Variants in LAMA5 observed in about 807,000 individuals in gnomAD.
The protein encoded by LAMA5 is laminin subunit alpha 5.
A neutral mutation model predicts 433.4 loss-of-function variants in LAMA5; 260 were observed. That is an observed-to-expected ratio of 0.60 (90% CI 0.54 to 0.66). The LOEUF is 0.66. Among genes scored for constraint, LAMA5 ranks in the 30% least tolerant of loss-of-function variants. The probability of loss-of-function intolerance (pLI) is 0.00; values close to 1 mark genes in which losing one functional copy is unlikely to be tolerated. For missense variants in LAMA5, 5,378 were observed against 5,258.5 expected (o/e 1.02, Z -0.70); for synonymous variants, 2,620 against 2,226.6 (o/e 1.18, Z -4.97).
intron 51 of LAMA5, among the ~76,000 whole-genome samples, chr20:62,319,380 A>G (rs2297589): frequency 0.92 from 139,697 of 152,038 alleles, 64,260 homozygotes; most frequent in East Asian, 0.99. Context: ...AGGGAGCCAA[A>G]TCTCTCCTGA....
intron 41 of LAMA5, chr20:62,325,056 G>A (rs1979011511): frequency 2.3e-6 from 1 of 435,260 alleles, no homozygotes; most frequent in Admixed American, 4.0e-5. Context: ...TGGGGTAGGT[G>A]GGAAAGGGGT....
chr20:62,313,621 C>G, intron 63 of LAMA5, 28 bp downstream of exon 63: 1 of 1,610,798 alleles, frequency 6.2e-7, no homozygotes, highest in Non-Finnish European at 8.5e-7. Flanking sequence ...GAGCCCCTCC[C>G]AGGCTGCCCC....
In LAMA5 at chr20:62,318,906, G is replaced by A. The variant is rs777572914; in HGVS notation, c.6979C>T (p.Arg2327Trp). Reference sequence around the variant, plus strand: ...TGCGGGGCCCCCAGGTCCCGGGCCCGCATCTCCCAGAGCAGCCGCTCCACC... The same window carrying A: ...TGCGGGGCCCCCAGGTCCCGGGCCCACATCTCCCAGAGCAGCCGCTCCACC... ...AEVERLLWEM[R>W]ARDLGAPQAA... Residue 2327 changes from arginine (R) to tryptophan (W), a missense_variant, in exon 52 of 80, where the codon CGG (arginine) becomes TGG (tryptophan). Physicochemically the swap from Arg to Trp is moderately radical, Grantham distance 101. Transcript: ENST00000252999. 103 of 1,604,356 alleles carry A rather than the reference G, an allele frequency of 6.4e-5. No homozygotes were observed. Among genetic ancestry groups the A allele is most frequent in the African/African-American group, 2.9e-4 (22 of 74,838 alleles).
In LAMA5 at chr20:62,313,338, C is replaced by A; in HGVS notation, c.8781G>T (p.Arg2927Ser). 1 of 1,561,994 alleles carries A rather than the reference C, an allele frequency of 6.4e-7. No homozygotes were observed. Among genetic ancestry groups the A allele is most frequent in the Non-Finnish European group, 8.7e-7 (1 of 1,153,824 alleles). ...CAGGCCACACGCACCGGGCACAAGG[C>A]CTGTCCACAGCCGTGTCCAGCTGGA... Reference protein sequence around the residue: ...RTFQLDTAVDRPCARSKSTGD... With the variant: ...RTFQLDTAVDSPCARSKSTGD... The change falls in exon 64 of 80, where the codon AGG (arginine) becomes AGT (serine). Residue 2927 changes from arginine (R) to serine (S), a missense_variant. Transcript: ENST00000252999.
chr20:62,366,493 G>A (rs756020725), intron 1 of LAMA5, among the ~76,000 whole-genome samples: 2 of 152,208 alleles, frequency 1.3e-5, no homozygotes, highest in Non-Finnish European at 2.9e-5. Flanking sequence ...TCCTCCGAGA[G>A]GGGCTAGTGG....
intron 6 of LAMA5, among the ~76,000 whole-genome samples, chr20:62,349,693 T>G (rs867490286): frequency 6.0e-3 from 1 of 168 alleles, no homozygotes; most frequent in African/African-American, 0.012. Context: ...GTGATGATGG[T>G]GATGGTGATG....
intron 37 of LAMA5, 55 bp from the exon 38 acceptor site, chr20:62,327,461 C>T: frequency 6.2e-7 from 1 of 1,604,038 alleles, no homozygotes; most frequent in Non-Finnish European, 8.5e-7. Context: ...ATCACAGGGC[C>T]CCATCTTGCA....
Position 62,346,615 on chromosome 20 carries a change from T to C in LAMA5, c.1192-19A>G. 6.2e-7 allele frequency: 1 copy of C among 1,610,830 alleles called. No homozygotes were observed. Among genetic ancestry groups the C allele is most frequent in the South Asian group, 1.1e-5 (1 of 90,700 alleles). ...TGTGGTGCTGGGAGTGCAATGGCCG[T>C]TGAGTCTGGGGAGGTCCCTGCCCCA... On this transcript the variant is annotated intron_variant, in intron 8 of 79. Coordinates refer to ENST00000252999, the MANE Select transcript of LAMA5 (RefSeq NM_005560.6).
chr20:62,324,034 G>A lies in LAMA5; in HGVS notation c.5768+46C>T. On this transcript the variant is annotated intron_variant, in intron 43 of 79. Coordinates refer to ENST00000252999, the MANE Select transcript of LAMA5 (RefSeq NM_005560.6). This position sits in a 1 kb window ranked among gnomAD's most constrained non-coding sequence, Gnocchi z 4.4. ...AACCCACCCCGCTGCTGGGTGAAGG[G>A]AGCCTGGCACCATCAGGGCCTCGTC... 6.8e-7 allele frequency: 1 copy of A among 1,474,032 alleles called. No individual in the cohort carries two copies. The highest frequency in any genetic ancestry group is 9.0e-7 in the Non-Finnish European group (1 of 1,113,706). 91.3% of individuals were successfully genotyped at this position (1,474,032 alleles called of 1,614,324 possible). A position where few individuals can be genotyped will look rare whatever the true frequency, so the allele number is the denominator to read the frequency against.
At chr20:62,323,694 C>T (rs768862743) in intron 44 of LAMA5, 24 bp from the exon 45 acceptor site, 51 of 1,595,440 alleles carry the variant, frequency 3.2e-5, no homozygotes, top group Non-Finnish European at 2.7e-5. Context: ...GGGGAGGGGC[C>T]GTCAGTGGCC....
chr20:62,339,590 TG>T (rs1200711414), intron 11 of LAMA5, among the ~76,000 whole-genome samples: 2 of 146,694 alleles, frequency 1.4e-5, no homozygotes, highest in African/African-American at 4.9e-5. Context: ...AACTTACGCA[TG>T]AAAGGAGGGT....
At position 62,338,560 on chromosome 20, in the gene LAMA5, T is replaced by G; in HGVS notation, c.1526A>C (p.Asp509Ala). ...AGTQGNACRK[D>A]PRVGRCLCKP... Reference sequence around the variant, plus strand: ...GCACAGACAGCGTCCCACCCTTGGGTCCTTCCGGCAGGCGTTGCCCTGGGT... The same window carrying G: ...GCACAGACAGCGTCCCACCCTTGGGGCCTTCCGGCAGGCGTTGCCCTGGGT... The change falls in exon 12 of 80, where the codon GAC becomes GCC. Residue 509 changes from aspartate to alanine, a missense_variant. Asp to Ala is a moderately radical substitution (Grantham distance 126). Coordinates refer to ENST00000252999, the MANE Select transcript of LAMA5 (RefSeq NM_005560.6). 1 of 1,611,408 alleles carries G rather than the reference T, an allele frequency of 6.2e-7. No individual in the cohort carries two copies. Among genetic ancestry groups the G allele is most frequent in the Non-Finnish European group, 8.5e-7 (1 of 1,179,552 alleles).
chr20:62,317,247 C>G (rs1601296114), intron 55 of LAMA5, 98 bp downstream of exon 55: 2 of 1,347,694 alleles, frequency 1.5e-6, no homozygotes, highest in East Asian at 2.6e-5. Context: ...GGACAACGGC[C>G]TCAGCCCCTA....
intron 16 of LAMA5, among the ~76,000 whole-genome samples, 172 bp downstream of exon 16, chr20:62,337,418 A>G (rs1036771761): frequency 6.6e-6 from 1 of 152,256 alleles, no homozygotes; most frequent in African/African-American, 2.4e-5. Flanking sequence ...CAGTACGCGG[A>G]CACCCCTGCA....
intron 6 of LAMA5, among the ~76,000 whole-genome samples, chr20:62,349,681 G>T (rs1308881231): frequency 8.0e-5 from 1 of 12,552 alleles, no homozygotes; most frequent in South Asian, 2.7e-3. Flanking sequence ...GGGGTGATGG[G>T]GGTGATGATG....
chr20:62,326,774 T>C lies in LAMA5; in HGVS notation c.5215-14A>G. The C allele has an allele frequency of 3.7e-6, 6 of 1,612,494 alleles. No homozygotes were observed. The highest frequency in any genetic ancestry group is 1.7e-5 in the Admixed American group (1 of 60,006). Reference sequence around the variant, plus strand: ...CATCTGGTTGCCCTGGGAAGGCACATGGGGAGGTGAGGGTTGGCACGGGCC... The same window carrying C: ...CATCTGGTTGCCCTGGGAAGGCACACGGGGAGGTGAGGGTTGGCACGGGCC... On this transcript the variant is annotated splice_polypyrimidine_tract_variant and intron_variant, in intron 39 of 79. Transcript: ENST00000252999.
intron 28 of LAMA5, among the ~76,000 whole-genome samples, 161 bp downstream of exon 28, chr20:62,332,211 G>A (rs1980596187): frequency 6.6e-6 from 1 of 152,316 alleles, no homozygotes; most frequent in South Asian, 2.1e-4. Flanking sequence ...TCCACAAAAC[G>A]CTTGCAGGAG....
rs200632605 is a variant in LAMA5, at chr20:62,317,462, C to T, written c.7394G>A (p.Arg2465Gln). Residue 2465 changes from arginine (R) to glutamine (Q), a missense_variant, in exon 55 of 80, where the codon CGG (arginine) becomes CAG (glutamine). Physicochemically the swap from Arg to Gln is conservative, Grantham distance 43. Transcript: ENST00000252999. Reference sequence around the variant, plus strand: ...CTGCATCCTCTGCAGCAGTGGGGTCCGAGCCCCATCCAGGCTGGCGGCGAG... The same window carrying T: ...CTGCATCCTCTGCAGCAGTGGGGTCTGAGCCCCATCCAGGCTGGCGGCGAG... ...ERLAASLDGA[R>Q]TPLLQRMQTF... 393 of 1,577,982 alleles carry T rather than the reference C, an allele frequency of 2.5e-4. 1 individual carries two copies. The East Asian group carries it at 2.6e-3, about 10-fold the overall frequency.
chr20:62,348,177 G>A (rs1356214095), intron 6 of LAMA5, among the ~76,000 whole-genome samples: 2 of 152,192 alleles, frequency 1.3e-5, no homozygotes, highest in African/African-American at 2.4e-5. Flanking sequence ...CACGCCAGAA[G>A]CACAAAGATA....
Sources: allele counts gnomAD v4.1 joint callset (sites outside exome capture counted in the v4.1 genomes callset), GRCh38; gene constraint gnomAD v4.1.1; non-coding constraint Gnocchi (gnomAD v3.1); transcripts MANE v1.5; gene names NCBI Gene and HGNC (gene_info 2026-07-23, HGNC 2026-07-21).